Variants in TNNI3K observed in about 807,000 individuals in gnomAD.
The protein encoded by TNNI3K is serine/threonine-protein kinase TNNI3K.
In TNNI3K, 140 loss-of-function variants were observed where a neutral mutation model predicts 114.5. The observed-to-expected ratio is 1.22, with a 90% CI of 1.07 to 1.41. The LOEUF (loss-of-function observed/expected upper bound fraction) is 1.41, where lower values mean the gene tolerates loss of function less well. TNNI3K is among the 40% of genes most tolerant of loss of function. The pLI, the probability that TNNI3K is intolerant of heterozygous loss-of-function variation, is 0.00. For missense variants in TNNI3K, 1,125 were observed against 1,007.6 expected, an observed-to-expected ratio of 1.12 and a Z score of -1.58; for synonymous variants, 347 against 347.5, an observed-to-expected ratio of 1.00 and a Z score of 0.02.
intron 17 of TNNI3K, among the ~76,000 whole-genome samples, chr1:74,388,521 C>T (rs1385022763): frequency 6.6e-6 from 1 of 152,176 alleles, no homozygotes; most frequent in Non-Finnish European, 1.5e-5. Context: ...TCCCTCTCCT[C>T]ATCTCATCCA....
chr1:74,332,243 G>T (rs1198982808), intron 6 of TNNI3K, among the ~76,000 whole-genome samples: 2 of 151,280 alleles, frequency 1.3e-5, no homozygotes, highest in Non-Finnish European at 2.9e-5. Context: ...CACTATGATA[G>T]AACCTTTATC....
At chr1:74,315,166 A>T (rs1422726777) in intron 5 of TNNI3K, among the ~76,000 whole-genome samples, 2 of 152,166 alleles carry the variant, frequency 1.3e-5, no homozygotes, top group Non-Finnish European at 2.9e-5. Context: ...AGTAATGTGA[A>T]TTTGTCACAT....
intron 5 of TNNI3K, among the ~76,000 whole-genome samples, chr1:74,322,200 C>A (rs1041350599): frequency 7.9e-5 from 12 of 152,096 alleles, no homozygotes; most frequent in African/African-American, 2.9e-4. Context: ...GAGAGATTGA[C>A]CCCAATGGAA....
intron 4 of TNNI3K, among the ~76,000 whole-genome samples, chr1:74,269,412 G>T (rs1234956629): frequency 6.6e-6 from 1 of 151,826 alleles, no homozygotes; most frequent in Non-Finnish European, 1.5e-5. Flanking sequence ...CATATAAAGG[G>T]TATATTGAAA....
intron 11 of TNNI3K, among the ~76,000 whole-genome samples, chr1:74,355,339 CT>C (rs1557517075): frequency 6.6e-6 from 1 of 152,148 alleles, no homozygotes; most frequent in Non-Finnish European, 1.5e-5. Context: ...GGCGCGGTGG[CT>C]CATGCCTGTA....
Position 74,439,474 on chromosome 1 carries a change from G to A in TNNI3K, c.1879-16G>A, listed in dbSNP as rs781150019. 2 of 1,607,588 alleles carry A rather than the reference G, an allele frequency of 1.2e-6. No homozygotes were observed. Among genetic ancestry groups the A allele is most frequent in the Non-Finnish European group, 1.7e-6 (2 of 1,176,806 alleles). On this transcript the variant is annotated splice_polypyrimidine_tract_variant and intron_variant, in intron 19 of 24. Coordinates refer to ENST00000326637, the MANE Select transcript of TNNI3K (RefSeq NM_015978.3). ...AACACTTGGTAAATGGCTTGTGGAT[G>A]TTTCTTGATGTGCAGAACCTCCGTT...
chr1:74,269,530 G>A (rs184071560), intron 4 of TNNI3K, among the ~76,000 whole-genome samples: 57 of 151,848 alleles, frequency 3.8e-4, no homozygotes, highest in African/African-American at 1.3e-3. Flanking sequence ...AGGAAGCTGC[G>A]TAATACAGAG....
chr1:74,362,417 C>T (rs1191249907), intron 11 of TNNI3K, among the ~76,000 whole-genome samples: 1 of 152,050 alleles, frequency 6.6e-6, no homozygotes, highest in Non-Finnish European at 1.5e-5. Flanking sequence ...CAGCCGTGAA[C>T]CCAAAGGGTC....
intron 20 of TNNI3K, among the ~76,000 whole-genome samples, chr1:74,460,269 G>C (rs927754): frequency 0.69 from 105,121 of 151,868 alleles, 40,389 homozygotes; most frequent in Middle Eastern, 0.86. Flanking sequence ...CGGTTTCACC[G>C]TGTTAGCCAG....
chr1:74,366,578 C>T (rs1211746459), intron 11 of TNNI3K: 2 of 151,960 alleles, frequency 1.3e-5, no homozygotes, highest in African/African-American at 2.4e-5. Flanking sequence ...GTAGAGAAGG[C>T]TCACCTGTTT....
chr1:74,274,669 G>C (rs1557467104), intron 5 of TNNI3K, among the ~76,000 whole-genome samples: 1 of 152,040 alleles, frequency 6.6e-6, no homozygotes, highest in Non-Finnish European at 1.5e-5. Flanking sequence ...GATGAGAGTA[G>C]GTTTGATAAT....
chr1:74,362,117 T>C (rs889623501), intron 11 of TNNI3K, among the ~76,000 whole-genome samples: 2 of 152,132 alleles, frequency 1.3e-5, no homozygotes, highest in Non-Finnish European at 2.9e-5. Flanking sequence ...GAACAGTGTA[T>C]GGGACCAGGG....
chr1:74,282,988 CT>C (rs1302355905), intron 5 of TNNI3K, among the ~76,000 whole-genome samples: 10 of 152,140 alleles, frequency 6.6e-5, no homozygotes, highest in African/African-American at 9.7e-5. Flanking sequence ...GGGAATGTCA[CT>C]AATGATTGAT....
intron 5 of TNNI3K, among the ~76,000 whole-genome samples, chr1:74,283,957 T>A (rs1657167739): frequency 1.3e-5 from 2 of 152,150 alleles, no homozygotes; most frequent in South Asian, 2.1e-4. Flanking sequence ...CACACCATAC[T>A]CCTTACAAGG....
intron 4 of TNNI3K, among the ~76,000 whole-genome samples, chr1:74,251,333 T>C (rs1557450087): frequency 6.6e-6 from 1 of 152,224 alleles, no homozygotes; most frequent in Non-Finnish European, 1.5e-5. Flanking sequence ...GAATTGAACC[T>C]TGAGATTTTC....
At chr1:74,475,820 A>G (rs1397745672) in intron 21 of TNNI3K, 1 of 579,826 alleles carries the variant, frequency 1.7e-6, no homozygotes. Context: ...CCTATGACAA[A>G]TAGAGAGACC....
intron 7 of TNNI3K, among the ~76,000 whole-genome samples, chr1:74,338,692 A>G (rs1359028726): frequency 6.6e-5 from 10 of 152,176 alleles, no homozygotes; most frequent in Non-Finnish European, 1.5e-4. Context: ...CATAAGGAAT[A>G]TACAAAGTAT....
chr1:74,468,610 A>AG (rs1667776669), intron 21 of TNNI3K: 1 of 152,168 alleles, frequency 6.6e-6, no homozygotes. Flanking sequence ...AACTCTGAAT[A>AG]GGAAGGGAAA....
chr1:74,356,442 A>G (rs1661662145), intron 11 of TNNI3K, among the ~76,000 whole-genome samples: 1 of 152,180 alleles, frequency 6.6e-6, no homozygotes, highest in Admixed American at 6.5e-5. Context: ...CTATATCTTA[A>G]TATCAATTGG....
Sources: gnomAD v4.1 joint callset for allele counts (sites outside exome capture counted in the v4.1 genomes callset) on GRCh38, gnomAD v4.1.1 for gene constraint, MANE v1.5 for transcripts, NCBI Gene and HGNC (gene_info 2026-07-23, HGNC 2026-07-21) for gene names.